Variants in IL2RA observed in about 807,000 individuals in gnomAD.
IL2RA encodes the protein interleukin-2 receptor subunit alpha.
Under a neutral mutation model 37.8 loss-of-function variants are expected in IL2RA, and 24 were observed. The ratio of observed to expected loss-of-function variants is 0.63; its 90% CI spans 0.46 to 0.89. IL2RA has a LOEUF of 0.89. IL2RA is among the 40% of genes least tolerant of loss of function. The pLI is 0.00. For synonymous variants in IL2RA, 125 were observed against 114.6 expected (o/e 1.09, Z -0.58); for missense variants, 319 against 348.6 (o/e 0.92, Z 0.68).
chr10:6,045,660 T>G (rs1839841497), intron 1 of IL2RA, among the ~76,000 whole-genome samples: 1 of 152,214 alleles, frequency 6.6e-6, no homozygotes, highest in Non-Finnish European at 1.5e-5. Context: ...CTCAAATCTT[T>G]AAAACCAATT....
intron 1 of IL2RA, among the ~76,000 whole-genome samples, chr10:6,045,082 G>A (rs1839829009): frequency 6.6e-6 from 1 of 152,194 alleles, no homozygotes; most frequent in Non-Finnish European, 1.5e-5. Flanking sequence ...AAGGCGGTGT[G>A]GTTCAAGGAG....
intron 6 of IL2RA, 145 bp downstream of exon 6, chr10:6,019,279 CCAAT>C: frequency 1.3e-6 from 1 of 764,318 alleles, no homozygotes; most frequent in Non-Finnish European, 2.4e-6. Flanking sequence ...AACCAACTTA[CCAAT>C]CAACTAGCCA....
Position 6,035,687 on chromosome 10 carries a change from C to T in IL2RA, c.65-9662G>A, listed in dbSNP as rs1431135028. On this transcript the variant is annotated intron_variant, in intron 1 of 7. Transcript: ENST00000379959. The surrounding 1 kb of genome is among the most constrained non-coding windows in gnomAD (Gnocchi z 5.4). Reference sequence around the variant, plus strand: ...TTATGTGGGCAGAGGGAAAAAGAGACAGCCAGCAGTGATCATTAATCCTGA... The same window carrying T: ...TTATGTGGGCAGAGGGAAAAAGAGATAGCCAGCAGTGATCATTAATCCTGA... 1.3e-5 allele frequency among the ~76,000 whole-genome samples: 2 copies of T among 152,144 alleles called. No individual in the cohort carries two copies. Among genetic ancestry groups the T allele is most frequent in the Non-Finnish European group, 1.5e-5 (1 of 68,028 alleles).
At chr10:6,045,083 GTTCAAGGAGGAGACCTTGGC>G (rs1308605163) in intron 1 of IL2RA, among the ~76,000 whole-genome samples, 1 of 152,196 alleles carries the variant, frequency 6.6e-6, no homozygotes, top group Non-Finnish European at 1.5e-5. Context: ...AGGCGGTGTG[GTTCAAGGAGGAGACCTTGGC>G]TTCAAGGAGG....
chr10:6,050,801 G>A (rs558932697), intron 1 of IL2RA, among the ~76,000 whole-genome samples: 1 of 152,210 alleles, frequency 6.6e-6, no homozygotes, highest in Non-Finnish European at 1.5e-5. Flanking sequence ...ACGAGGAGGA[G>A]GAGGATGGGT....
rs944370406 is a variant in IL2RA at position 6,015,492 on chromosome 10, C to T, written c.794+2561G>A. Reference sequence around the variant, plus strand: ...TGGGAACCTGATAGAAATACAGATTCCTGGACCTAAGCAAGACGACTGCGT... The same window carrying T: ...TGGGAACCTGATAGAAATACAGATTTCTGGACCTAAGCAAGACGACTGCGT... On this transcript the variant is annotated intron_variant, in intron 7 of 7. Transcript: ENST00000379959. The surrounding 1 kb of genome is among the most constrained non-coding windows in gnomAD (Gnocchi z 4.9). Among the ~76,000 whole-genome samples, 1 of 152,150 alleles carries T rather than the reference C, an allele frequency of 6.6e-6. No homozygotes were observed.
chr10:6,046,468 ATGGAGTGGACAGC>A lies in IL2RA; in HGVS notation c.64+15607_64+15619del, dbSNP rs1338479304. Among the ~76,000 whole-genome samples the A allele has an allele frequency of 6.6e-6, 1 of 152,170 alleles. No individual in the cohort carries two copies. Among genetic ancestry groups the A allele is most frequent in the African/African-American group, 2.4e-5 (1 of 41,448 alleles). On this transcript the variant is annotated intron_variant, in intron 1 of 7. Transcript: ENST00000379959. This position sits in a 1 kb window ranked among gnomAD's most constrained non-coding sequence, Gnocchi z 4.8. ...TGACATTTCAGGCACTGTGGGATTG[ATGGAGTGGACAGC>A]ATAGAGCAGAGAGCTTACGGTTGTA...
chr10:6,042,051 A>G (rs959718213), intron 1 of IL2RA, among the ~76,000 whole-genome samples: 2 of 150,354 alleles, frequency 1.3e-5, no homozygotes, highest in African/African-American at 4.9e-5. Flanking sequence ...AACAATACAT[A>G]TGGTTGATAA....
chr10:6,062,339 A>T lies in IL2RA; in HGVS notation c.-188T>A. The T allele has an allele frequency of 2.2e-6, 1 of 451,888 alleles. No homozygotes were observed. The highest frequency in any genetic ancestry group is 4.3e-5 in the East Asian group (1 of 23,180). The allele number at this position is 451,888 out of a possible 1,614,324, so 28.0% of individuals were successfully genotyped here. ...GAGTCAGGAGTTGCTCTCTTTAAGT[A>T]TTGGGCTGGCGTGTTCAGCCAGGAA... On this transcript the variant is annotated 5_prime_UTR_variant, in exon 1 of 8. Coordinates refer to ENST00000379959, the MANE Select transcript of IL2RA (RefSeq NM_000417.3).
intron 1 of IL2RA, among the ~76,000 whole-genome samples, chr10:6,031,431 T>C (rs1418423388): frequency 1.7e-5 from 2 of 116,698 alleles, no homozygotes; most frequent in African/African-American, 3.2e-5. Flanking sequence ...TTTAGCAAGT[T>C]AGCAATTTCA....
intron 1 of IL2RA, among the ~76,000 whole-genome samples, chr10:6,038,038 A>G (rs1839718157): frequency 6.6e-6 from 1 of 152,216 alleles, no homozygotes; most frequent in Non-Finnish European, 1.5e-5. Context: ...TAATGGTATC[A>G]TAGAATATGA....
intron 3 of IL2RA, 35 bp downstream of exon 3, chr10:6,024,209 G>A: frequency 7.3e-7 from 1 of 1,362,282 alleles, no homozygotes; most frequent in Non-Finnish European, 1.1e-6. Context: ...GGGTGCGCTA[G>A]CAGGAGTTAG....
chr10:6,045,624 T>A (rs1037457046), intron 1 of IL2RA, among the ~76,000 whole-genome samples: 6 of 152,190 alleles, frequency 3.9e-5, no homozygotes, highest in African/African-American at 1.4e-4. Flanking sequence ...TCTTTTTCTT[T>A]CTCTGAAATC....
At chr10:6,060,348 A>C (rs539439288) in intron 1 of IL2RA, among the ~76,000 whole-genome samples, 45 of 152,312 alleles carry the variant, frequency 3.0e-4, no homozygotes, top group African/African-American at 9.1e-4. Flanking sequence ...AAATCTTACA[A>C]CGCATTGGGT....
At position 6,028,400 on chromosome 10, in the gene IL2RA, T is replaced by C. The variant is rs1190277857; in HGVS notation, c.65-2375A>G. 6.6e-6 allele frequency among the ~76,000 whole-genome samples: 1 copy of C among 152,220 alleles called. No homozygotes were observed. The highest frequency in any genetic ancestry group is 1.5e-5 in the Non-Finnish European group (1 of 68,040). On this transcript the variant is annotated intron_variant, in intron 1 of 7. Coordinates refer to ENST00000379959, the MANE Select transcript of IL2RA (RefSeq NM_000417.3). The surrounding 1 kb of genome is among the most constrained non-coding windows in gnomAD (Gnocchi z 4.1). ...AGTTTTATTTATAAAAACAGGTGTC[T>C]GAGCTGTGGGTTGTAGTTTTCCAAT...
At chr10:6,016,497 A>G (rs527790213) in intron 7 of IL2RA, among the ~76,000 whole-genome samples, 1 of 146,082 alleles carries the variant, frequency 6.8e-6, no homozygotes, top group East Asian at 2.0e-4. Context: ...TTTTATCTCA[A>G]TTAAAAATAC....
At chr10:6,027,074 C>G (rs1839496082) in intron 1 of IL2RA, among the ~76,000 whole-genome samples, 1 of 152,178 alleles carries the variant, frequency 6.6e-6, no homozygotes, top group Non-Finnish European at 1.5e-5. Flanking sequence ...GTAATTCCAG[C>G]ACTTTGGGAG....
rs541396491 is a variant in IL2RA at position 6,021,044 on chromosome 10, T to C, written c.583+434A>G. On this transcript the variant is annotated intron_variant, in intron 4 of 7. Transcript: ENST00000379959. This position sits in a 1 kb window ranked among gnomAD's most constrained non-coding sequence, Gnocchi z 4.9. ...GGGAATGGCACAAGGGGAAGGAACATGCTGACCGTGGAGGGCTGTTCAGAT... is the reference window on the plus strand; with the variant it reads ...GGGAATGGCACAAGGGGAAGGAACACGCTGACCGTGGAGGGCTGTTCAGAT... Among the ~76,000 whole-genome samples, 3 of 152,188 alleles carry C rather than the reference T, an allele frequency of 2.0e-5. No homozygotes were observed. The highest frequency in any genetic ancestry group is 7.2e-5 in the African/African-American group (3 of 41,512).
At chr10:6,041,249 G>A (rs1392075561) in intron 1 of IL2RA, among the ~76,000 whole-genome samples, 1 of 151,882 alleles carries the variant, frequency 6.6e-6, no homozygotes, top group Non-Finnish European at 1.5e-5. Flanking sequence ...CGAGTAGCTG[G>A]GACTGCAGGC....
Sources: allele counts gnomAD v4.1 joint callset (sites outside exome capture counted in the v4.1 genomes callset), GRCh38; gene constraint gnomAD v4.1.1; non-coding constraint Gnocchi (gnomAD v3.1); transcripts MANE v1.5; gene names NCBI Gene and HGNC (gene_info 2026-07-23, HGNC 2026-07-21).